The following TM4SF20 variants were observed in gnomAD, a reference collection of about 807,000 sequenced individuals.
TM4SF20 encodes transmembrane 4 L6 family member 20.
In TM4SF20, 13 loss-of-function variants were observed where a neutral mutation model predicts 15.1. The observed-to-expected ratio is 0.86, with a 90% confidence interval of 0.56 to 1.36. The LOEUF (loss-of-function observed/expected upper bound fraction) is 1.36, where lower values mean the gene tolerates loss of function less well. TM4SF20 is among the 40% of genes most tolerant of loss of function. The pLI is 0.00. For missense variants in TM4SF20, 282 were observed against 268.4 expected, an observed-to-expected ratio of 1.05 and a Z score of -0.35; for synonymous variants, 92 against 96.6, an observed-to-expected ratio of 0.95 and a Z score of 0.28.
In TM4SF20 at chr2:227,363,788, T is replaced by C. The variant is rs1364897851; in HGVS notation, c.626A>G (p.Gln209Arg). 1.2e-6 allele frequency: 2 copies of C among 1,614,178 alleles called. No homozygotes were observed. The highest frequency in any genetic ancestry group is 2.2e-5 in the South Asian group (2 of 91,084). Residue 209 changes from glutamine to arginine, a missense_variant, in exon 4 of 4, where the codon CAG becomes CGG. Transcript: ENST00000304568. ...GILEVLFGLS[Q>R]IVIGFLGCLC... ...ACAGCCAAGGAAACCGATGACTATCTGACTGAGCCCAAACAGGACCTCCAG... is the reference window on the plus strand; with the variant it reads ...ACAGCCAAGGAAACCGATGACTATCCGACTGAGCCCAAACAGGACCTCCAG...
chr2:227,366,028 C>G (rs1317133337), intron 3 of TM4SF20, 65 bp downstream of exon 3: 3 of 1,500,760 alleles, frequency 2.0e-6, no homozygotes, highest in African/African-American at 1.4e-5. Flanking sequence ...TCCAGTACTG[C>G]ATTAATCTAA....
chr2:227,366,793 A>G (rs73997111), intron 2 of TM4SF20, among the ~76,000 whole-genome samples: 1 of 148,692 alleles, frequency 6.7e-6, no homozygotes, highest in African/African-American at 2.5e-5. Flanking sequence ...GAAAATCTCA[A>G]CTTTCATATT....
At chr2:227,365,687 T>A (rs141828883) in intron 3 of TM4SF20, among the ~76,000 whole-genome samples, 449 of 152,334 alleles carry the variant, frequency 2.9e-3, no homozygotes, top group African/African-American at 0.01. Context: ...TTTAATTAGT[T>A]CAGAAGTGTA....
chr2:227,371,753 C>T (rs2076422406), intron 1 of TM4SF20, among the ~76,000 whole-genome samples: 1 of 152,172 alleles, frequency 6.6e-6, no homozygotes, highest in Non-Finnish European at 1.5e-5. Flanking sequence ...CTTTCTTTTC[C>T]CAGGATCCCG....
rs1553786651 is a variant in TM4SF20 at position 227,368,335 on chromosome 2, T to TATATATATATATATATATATATA, written c.250-2092_250-2091insTATATATATATATATATATATAT. Among the ~76,000 whole-genome samples, 90 of 122,672 alleles carry TATATATATATATATATATATATA rather than the reference T, an allele frequency of 7.3e-4. 1 individual carries two copies. Among genetic ancestry groups the TATATATATATATATATATATATA allele is most frequent in the Admixed American group, 1.2e-3 (15 of 12,152 alleles). 80.5% of individuals were successfully genotyped at this position (122,672 alleles called of 152,430 possible). On this transcript the variant is annotated intron_variant, in intron 2 of 3. Transcript: ENST00000304568. ...ACCACGCCTGGCCGCCATCTATTAT[T>TATATATATATATATATATATATA]TATATATATATATATATATAATTTT... is the stretch of plus-strand genomic sequence containing the variant.
chr2:227,363,633 T>C lies in TM4SF20; in HGVS notation c.*91A>G, dbSNP rs1490995775. 3.6e-6 allele frequency: 5 copies of C among 1,383,704 alleles called. No individual in the cohort carries two copies. In the African/African-American group the frequency reaches 5.8e-5, roughly 16 times the overall value. 85.7% of individuals were successfully genotyped at this position (1,383,704 alleles called of 1,614,324 possible). A position where few individuals can be genotyped will look rare whatever the true frequency, so the allele number is the denominator to read the frequency against. ...ACGTGCTTTCTACGTGAAGGGTTGA[T>C]TTTTTAAATCATCTCAAAGATGACT... On this transcript the variant is annotated 3_prime_UTR_variant, in exon 4 of 4. Coordinates refer to ENST00000304568, the MANE Select transcript of TM4SF20 (RefSeq NM_024795.4).
intron 2 of TM4SF20, 26 bp from the exon 3 acceptor site, chr2:227,366,270 C>T: frequency 6.2e-7 from 1 of 1,601,270 alleles, no homozygotes. Flanking sequence ...GAGCCATTTG[C>T]ACATGTTATG....
rs778952341 is a variant in TM4SF20, at chr2:227,363,779, A to G, written c.635T>C (p.Ile212Thr). The change falls in exon 4 of 4, where the codon ATC (isoleucine) becomes ACC (threonine). Residue 212 changes from isoleucine (I) to threonine (T), a missense_variant. Ile to Thr is a moderately conservative substitution (Grantham distance 89). Coordinates refer to ENST00000304568, the MANE Select transcript of TM4SF20 (RefSeq NM_024795.4). ...EVLFGLSQIV[I>T]GFLGCLCGVS... is the part of the protein sequence containing the mutation. ...TCCACACAGACAGCCAAGGAAACCG[A>G]TGACTATCTGACTGAGCCCAAACAG... The G allele has an allele frequency of 6.2e-7, 1 of 1,614,084 alleles. No homozygotes were observed. Among genetic ancestry groups the G allele is most frequent in the African/African-American group, 1.3e-5 (1 of 74,926 alleles).
intron 2 of TM4SF20, among the ~76,000 whole-genome samples, chr2:227,368,046 C>T (rs13422840): frequency 0.32 from 38,493 of 121,534 alleles, 6,388 homozygotes; most frequent in Middle Eastern, 0.48. Context: ...TTTTTGGAGA[C>T]GGAGTCTCGC....
intron 2 of TM4SF20, among the ~76,000 whole-genome samples, chr2:227,366,653 C>T (rs746859899): frequency 6.1e-5 from 8 of 130,474 alleles, no homozygotes; most frequent in African/African-American, 1.1e-4. Flanking sequence ...CGCTTGAACC[C>T]GGGAGGCAGT....
rs182069596 is a variant in TM4SF20, at chr2:227,362,986, G to T, written c.*738C>A. The T allele has an allele frequency of 5.9e-5, 9 of 152,170 alleles. No individual in the cohort carries two copies. The highest frequency in any genetic ancestry group is 2.2e-4 in the African/African-American group (9 of 41,510). 9.4% of individuals were successfully genotyped at this position (152,170 alleles called of 1,614,324 possible). Reference sequence around the variant, plus strand: ...TATTTTTCTTTTATAACATTTTCCTGTTGAAAATTGGGCCATTCTGTGCCC... The same window carrying T: ...TATTTTTCTTTTATAACATTTTCCTTTTGAAAATTGGGCCATTCTGTGCCC... On this transcript the variant is annotated 3_prime_UTR_variant, in exon 4 of 4. Transcript: ENST00000304568.
Position 227,363,498 on chromosome 2 carries a change from T to C in TM4SF20, c.*226A>G. On this transcript the variant is annotated 3_prime_UTR_variant, in exon 4 of 4. Transcript: ENST00000304568. ...CATCCTCCTTCCCTTCTCCTTTCTC[T>C]ACACACAGTGAAGAGGTAAAAAATT... 1 of 443,382 alleles carries C rather than the reference T, an allele frequency of 2.3e-6. No homozygotes were observed. The highest frequency in any genetic ancestry group is 3.4e-5 in the South Asian group (1 of 29,688). The allele number at this position is 443,382 out of a possible 1,614,324, so 27.5% of individuals were successfully genotyped here. A position where few individuals can be genotyped will look rare whatever the true frequency, so the allele number is the denominator to read the frequency against.
At chr2:227,366,900 G>A (rs1053381638) in intron 2 of TM4SF20, among the ~76,000 whole-genome samples, 1 of 151,722 alleles carries the variant, frequency 6.6e-6, no homozygotes, top group Admixed American at 6.6e-5. Flanking sequence ...TCTTAACTAC[G>A]TTTATCTTCA....
In TM4SF20 at chr2:227,363,715, C is replaced by T; in HGVS notation, c.*9G>A. 1 of 1,599,492 alleles carries T rather than the reference C, an allele frequency of 6.3e-7. No homozygotes were observed. Among genetic ancestry groups the T allele is most frequent in the South Asian group, 1.1e-5 (1 of 88,884 alleles). ...AAACTACTGATACTTACATTTTATTCCCATTAAACTACACAATTTGACTTC... is the reference window on the plus strand; with the variant it reads ...AAACTACTGATACTTACATTTTATTTCCATTAAACTACACAATTTGACTTC... On this transcript the variant is annotated 3_prime_UTR_variant, in exon 4 of 4. Coordinates refer to ENST00000304568, the MANE Select transcript of TM4SF20 (RefSeq NM_024795.4).
chr2:227,368,017 C>CTTT lies in TM4SF20; in HGVS notation c.250-1774_250-1773insAAA, dbSNP rs748891185. On this transcript the variant is annotated intron_variant, in intron 2 of 3. Coordinates refer to ENST00000304568, the MANE Select transcript of TM4SF20 (RefSeq NM_024795.4). ...TGCCATGGTGTTTATTTTTAACCAT[C>CTTT]TATTTTTTTTTTTTTTTTTTTTTGG... Among the ~76,000 whole-genome samples, 95 of 116,672 alleles carry CTTT rather than the reference C, an allele frequency of 8.1e-4. 4 individuals carry two copies. The highest frequency in any genetic ancestry group is 1.1e-3 in the Non-Finnish European group (64 of 56,168). 76.5% of individuals were successfully genotyped at this position (116,672 alleles called of 152,430 possible).
upstream of TM4SF20, among the ~76,000 whole-genome samples, chr2:227,381,154 G>T (rs2076478175): frequency 6.6e-6 from 1 of 152,164 alleles, no homozygotes; most frequent in South Asian, 2.1e-4. Flanking sequence ...GCAGGTGCTT[G>T]TAATCCCAGC....
rs1462150133 is a variant in TM4SF20, at chr2:227,362,233, G to A, written c.*1491C>T. On this transcript the variant is annotated 3_prime_UTR_variant, in exon 4 of 4. Transcript: ENST00000304568. The stretch of plus-strand genomic sequence containing the variant: ...TTGTTATCCTGTTTTTTAAAGATTG[G>A]CACATATAGAAAATAGCTTTTGAAA... 3 of 151,922 alleles carry A rather than the reference G, an allele frequency of 2.0e-5. No homozygotes were observed. Among genetic ancestry groups the A allele is most frequent in the Non-Finnish European group, 4.4e-5 (3 of 67,966 alleles). 9.4% of individuals were successfully genotyped at this position (151,922 alleles called of 1,614,324 possible).
intron 1 of TM4SF20, among the ~76,000 whole-genome samples, chr2:227,371,475 G>T (rs1362096034): frequency 6.6e-6 from 1 of 152,092 alleles, no homozygotes; most frequent in Non-Finnish European, 1.5e-5. Context: ...TGAGTAGCTA[G>T]GACCACAGGT....
At position 227,366,314 on chromosome 2, in the gene TM4SF20, G is replaced by A. The variant is rs139711762; in HGVS notation, c.250-70C>T. The A allele has an allele frequency of 2.6e-4, 352 of 1,365,942 alleles. 1 individual carries two copies. The South Asian group carries it at 3.2e-3, about 12-fold the overall frequency. 84.6% of individuals were successfully genotyped at this position (1,365,942 alleles called of 1,614,324 possible). ...TTGATCTGTTTCAAGCTTCAGGAGC[G>A]TATACAGTCTTTTTTAAATCCAGTC... On this transcript the variant is annotated intron_variant, in intron 2 of 3. Transcript: ENST00000304568.
Sources: gnomAD v4.1 joint callset for allele counts (sites outside exome capture counted in the v4.1 genomes callset) on GRCh38, gnomAD v4.1.1 for gene constraint, MANE v1.5 for transcripts, NCBI Gene and HGNC (gene_info 2026-07-23, HGNC 2026-07-21) for gene names.